Variants in ASTN2 observed in about 807,000 individuals in gnomAD.
ASTN2 encodes astrotactin-2.
In ASTN2, 54 loss-of-function variants were observed where a neutral mutation model predicts 139.8. The observed-to-expected ratio is 0.39, with a 90% CI of 0.31 to 0.48. The LOEUF (loss-of-function observed/expected upper bound fraction) is 0.48. Ranked by LOEUF, ASTN2 falls within the 20% of genes least tolerant of loss-of-function variation. ASTN2 has a pLI of 0.95. For synonymous variants in ASTN2, 756 were observed against 719.5 expected, an observed-to-expected ratio of 1.05 and a Z score of -0.81; for missense variants, 1,565 against 1,725.1, an observed-to-expected ratio of 0.91 and a Z score of 1.64.
chr9:116,893,400 A>C (rs10124561), intron 10 of ASTN2, among the ~76,000 whole-genome samples: 24,534 of 152,112 alleles, frequency 0.16, 2,763 homozygotes, highest in East Asian at 0.33. Flanking sequence ...CCCTGATGGG[A>C]AGCTCAGCAG....
At chr9:117,228,770 T>C (rs1355776112) in intron 2 of ASTN2, among the ~76,000 whole-genome samples, 1 of 152,036 alleles carries the variant, frequency 6.6e-6, no homozygotes, top group Non-Finnish European at 1.5e-5. Context: ...ATCCCAGCAC[T>C]TTAGGAGGCC....
At chr9:117,245,603 G>A (rs924042494) in intron 2 of ASTN2, among the ~76,000 whole-genome samples, 1 of 152,196 alleles carries the variant, frequency 6.6e-6, no homozygotes, top group African/African-American at 2.4e-5. Flanking sequence ...CCAGGAGGCA[G>A]AAGGTCTCAG....
chr9:116,597,539 C>G (rs1324527383), intron 19 of ASTN2, among the ~76,000 whole-genome samples: 3 of 151,836 alleles, frequency 2.0e-5, no homozygotes, highest in Non-Finnish European at 4.4e-5. Flanking sequence ...ATTAGCCCAC[C>G]TCGGCCTCCC....
chr9:116,648,005 C>CTTTT (rs71377260), intron 17 of ASTN2, among the ~76,000 whole-genome samples: 1 of 141,014 alleles, frequency 7.1e-6, no homozygotes, highest in Non-Finnish European at 1.5e-5. Flanking sequence ...TTTTTCTTTT[C>CTTTT]TTTTTTTTTT....
intron 16 of ASTN2, among the ~76,000 whole-genome samples, chr9:116,677,148 T>C (rs1021702450): frequency 1.7e-4 from 26 of 152,178 alleles, no homozygotes; most frequent in African/African-American, 6.0e-4. Context: ...TCTTGGAACT[T>C]GTTTTTCTGG....
At chr9:116,607,309 T>C (rs1564149157) in intron 19 of ASTN2, among the ~76,000 whole-genome samples, 1 of 152,046 alleles carries the variant, frequency 6.6e-6, no homozygotes, top group Admixed American at 6.6e-5. Flanking sequence ...GGATACAAGA[T>C]TCATCATCTT....
intron 4 of ASTN2, among the ~76,000 whole-genome samples, chr9:117,130,098 G>A: frequency 6.6e-6 from 1 of 152,088 alleles, no homozygotes; most frequent in East Asian, 1.9e-4. Context: ...CTTGAGCTCA[G>A]GAATTCAAGA....
At chr9:117,218,304 C>A (rs12001297) in intron 2 of ASTN2, among the ~76,000 whole-genome samples, 2,457 of 152,312 alleles carry the variant, frequency 0.016, 68 homozygotes, top group African/African-American at 0.056. Flanking sequence ...ATGGCTATCC[C>A]TTTAGGGCAC....
intron 6 of ASTN2, among the ~76,000 whole-genome samples, chr9:117,016,636 A>AACCTATATATATGTTACATATATAGGT (rs1564385933): frequency 4.7e-5 from 1 of 21,434 alleles, no homozygotes; most frequent in African/African-American, 1.3e-4. Context: ...ATATATATAT[A>AACCTATATATATGTTACATATATAGGT]TATATATATA....
chr9:117,281,460 C>T (rs1834322686), intron 2 of ASTN2, among the ~76,000 whole-genome samples: 1 of 152,164 alleles, frequency 6.6e-6, no homozygotes, highest in African/African-American at 2.4e-5. Context: ...GGCAGAAGTT[C>T]CAATATATCC....
chr9:116,918,074 C>T (rs558950640), intron 10 of ASTN2, among the ~76,000 whole-genome samples: 6 of 152,066 alleles, frequency 3.9e-5, no homozygotes, highest in African/African-American at 9.7e-5. Flanking sequence ...TTTCTCTTGC[C>T]GCCACCATGT....
intron 16 of ASTN2, among the ~76,000 whole-genome samples, chr9:116,670,557 G>T (rs914676534): frequency 5.3e-5 from 8 of 152,320 alleles, no homozygotes; most frequent in South Asian, 2.1e-4. Flanking sequence ...TTGGGTAGAG[G>T]TGAGGGGTTG....
chr9:116,991,602 A>G (rs1296930972), intron 7 of ASTN2, among the ~76,000 whole-genome samples: 1 of 143,762 alleles, frequency 7.0e-6, no homozygotes, highest in Admixed American at 7.0e-5. Context: ...AAAAAAAAAA[A>G]GCAGAAAATT....
At chr9:117,400,742 C>A (rs1169769155) in intron 1 of ASTN2, among the ~76,000 whole-genome samples, 2 of 152,128 alleles carry the variant, frequency 1.3e-5, no homozygotes, top group African/African-American at 2.4e-5. Flanking sequence ...CCAGAGGGAA[C>A]CCTTCTCTCC....
At chr9:117,115,592 T>G (rs1465153255) in intron 4 of ASTN2, among the ~76,000 whole-genome samples, 1 of 152,126 alleles carries the variant, frequency 6.6e-6, no homozygotes, top group Non-Finnish European at 1.5e-5. Context: ...ATAATACATT[T>G]AAAAGGATAT....
intron 2 of ASTN2, among the ~76,000 whole-genome samples, chr9:117,232,805 A>T (rs7866930): frequency 4.1e-4 from 62 of 151,216 alleles, no homozygotes; most frequent in African/African-American, 1.5e-3. Flanking sequence ...TTCTTTTTTT[A>T]ATTTATCTCT....
At chr9:116,670,561 G>C (rs577453370) in intron 16 of ASTN2, among the ~76,000 whole-genome samples, 38 of 152,330 alleles carry the variant, frequency 2.5e-4, no homozygotes, top group African/African-American at 8.9e-4. Flanking sequence ...GTAGAGGTGA[G>C]GGGTTGGGTA....
Position 117,414,428 on chromosome 9 carries a change from C to A in ASTN2, c.442+69G>T, listed in dbSNP as rs1831266028. Reference sequence around the variant, plus strand: ...CGGGCAGGGATCCCCAGGGCGCCCCCACCCGTCCGGCATGACGCAGGGGCT... The same window carrying A: ...CGGGCAGGGATCCCCAGGGCGCCCCAACCCGTCCGGCATGACGCAGGGGCT... On this transcript the variant is annotated intron_variant, in intron 1 of 22. Transcript: ENST00000313400. The surrounding 1 kb of genome is among the most constrained non-coding windows in gnomAD (Gnocchi z 4.2). The A allele has an allele frequency of 1.3e-6, 2 of 1,582,748 alleles. No individual in the cohort carries two copies. Among genetic ancestry groups the A allele is most frequent in the Admixed American group, 1.7e-5 (1 of 58,148 alleles).
chr9:117,060,402 GAAAGAAA>G lies in ASTN2; in HGVS notation c.1277-20444_1277-20438del, dbSNP rs1388662659. 5.4e-3 allele frequency among the ~76,000 whole-genome samples: 401 copies of G among 74,570 alleles called. 9 individuals carry two copies. The highest frequency in any genetic ancestry group is 6.8e-3 in the Non-Finnish European group (280 of 41,082). The allele number at this position is 74,570 out of a possible 152,430, so 48.9% of individuals were successfully genotyped here. ...AGAAAGAAAGAAAGAAAGAAAGAAA[GAAAGAAA>G]GAAGGAAAGGAAGGAAGGAAGGAAG... On this transcript the variant is annotated intron_variant, in intron 5 of 22. Coordinates refer to ENST00000313400, the MANE Select transcript of ASTN2 (RefSeq NM_001365068.1).
Sources: allele counts gnomAD v4.1 joint callset (sites outside exome capture counted in the v4.1 genomes callset), GRCh38; gene constraint gnomAD v4.1.1; non-coding constraint Gnocchi (gnomAD v3.1); transcripts MANE v1.5; gene names NCBI Gene and HGNC (gene_info 2026-07-23, HGNC 2026-07-21).